SLC1A3: variants seen among roughly 807,000 people sequenced by gnomAD.
SLC1A3 encodes solute carrier family 1 member 3.
Under a neutral mutation model 48.1 loss-of-function variants are expected in SLC1A3, and 21 were observed. The observed-to-expected ratio is 0.44, with a 90% CI of 0.31 to 0.63. SLC1A3 has a LOEUF of 0.63. Among genes scored for constraint, SLC1A3 ranks in the 20% least tolerant of loss-of-function variants. The pLI, the probability that SLC1A3 is intolerant of heterozygous loss-of-function variation, is 0.08. For missense variants in SLC1A3, 546 were observed against 689.0 expected, an observed-to-expected ratio of 0.79 and a Z score of 2.32; for synonymous variants, 239 against 251.4, an observed-to-expected ratio of 0.95 and a Z score of 0.47.
chr5:36,626,487 A>G lies in SLC1A3; in HGVS notation c.182-2963A>G, dbSNP rs1739909197. ...TTTGTAAAACCAAGTCTGGTCTTCA[A>G]CTGTTGTTTGCAGAATATCTAAAAC... On this transcript the variant is annotated intron_variant, in intron 2 of 9. Transcript: ENST00000265113. 2.6e-5 allele frequency among the ~76,000 whole-genome samples: 4 copies of G among 152,342 alleles called. No homozygotes were observed. In the South Asian group the frequency reaches 8.3e-4, roughly 32 times the overall value.
At chr5:36,608,275 C>T in intron 1 of SLC1A3, 54 bp from the exon 2 acceptor site, 2 of 689,284 alleles carry the variant, frequency 2.9e-6, no homozygotes. Flanking sequence ...TGGAGCAGCA[C>T]TGATTTCTCA....
intron 2 of SLC1A3, among the ~76,000 whole-genome samples, chr5:36,623,991 A>T (rs564945365): frequency 2.0e-5 from 3 of 152,166 alleles, no homozygotes; most frequent in African/African-American, 7.2e-5. Flanking sequence ...GGCTTTTTTC[A>T]TTGCTGGGGT....
intron 8 of SLC1A3, among the ~76,000 whole-genome samples, chr5:36,683,259 T>G (rs1029826658): frequency 1.3e-5 from 2 of 152,230 alleles, no homozygotes; most frequent in Admixed American, 1.3e-4. Flanking sequence ...AGCTGCCAGT[T>G]TATTTAAAAA....
chr5:36,620,789 A>G (rs1333043902), intron 2 of SLC1A3, among the ~76,000 whole-genome samples: 1 of 152,238 alleles, frequency 6.6e-6, no homozygotes, highest in Non-Finnish European at 1.5e-5. Flanking sequence ...CAACAAGCAT[A>G]ATAAATAGAA....
intron 2 of SLC1A3, chr5:36,613,003 T>A: frequency 2.8e-6 from 1 of 355,004 alleles, no homozygotes; most frequent in Admixed American, 3.4e-5. Flanking sequence ...TGCAGACCAA[T>A]GGCCCGCTTT....
intron 1 of SLC1A3, among the ~76,000 whole-genome samples, chr5:36,601,433 A>T (rs1343054648): frequency 6.6e-6 from 1 of 152,244 alleles, no homozygotes; most frequent in East Asian, 1.9e-4. Flanking sequence ...GCGATTTGAG[A>T]AAAACAATCT....
At chr5:36,647,119 C>T (rs1740871870) in intron 3 of SLC1A3, among the ~76,000 whole-genome samples, 1 of 152,152 alleles carries the variant, frequency 6.6e-6, no homozygotes, top group South Asian at 2.1e-4. Context: ...TCATATGACA[C>T]CACATTACAA....
At chr5:36,662,737 G>T (rs189837693) in intron 3 of SLC1A3, among the ~76,000 whole-genome samples, 7 of 152,312 alleles carry the variant, frequency 4.6e-5, no homozygotes, top group African/African-American at 1.7e-4. Flanking sequence ...CGGCGACCTC[G>T]CTGAGAGTGA....
At chr5:36,631,582 T>G (rs1275807371) in intron 3 of SLC1A3, among the ~76,000 whole-genome samples, 4 of 152,248 alleles carry the variant, frequency 2.6e-5, no homozygotes, top group Non-Finnish European at 5.9e-5. Context: ...TGTAACCTAA[T>G]TGCAAGTTGG....
intron 3 of SLC1A3, among the ~76,000 whole-genome samples, chr5:36,653,490 C>T (rs1355533821): frequency 1.3e-5 from 2 of 152,174 alleles, no homozygotes; most frequent in African/African-American, 2.4e-5. Flanking sequence ...CTGGTAAACA[C>T]GCATGGGCAG....
rs756967365 is a variant in SLC1A3, at chr5:36,673,999, C to T, written c.525-50C>T. ...ACACAATGAAACAGAATTTAAGGAG[C>T]AAACTTATTACTTGGAAAATTTTGC... is the stretch of plus-strand genomic sequence containing the variant. On this transcript the variant is annotated intron_variant, in intron 4 of 9. Transcript: ENST00000265113. The T allele has an allele frequency of 6.8e-6, 10 of 1,467,202 alleles. No individual in the cohort carries two copies. The South Asian group carries it at 9.1e-5, about 13-fold the overall frequency. 90.9% of individuals were successfully genotyped at this position (1,467,202 alleles called of 1,614,324 possible).
At chr5:36,659,889 C>T (rs1425288391) in intron 3 of SLC1A3, among the ~76,000 whole-genome samples, 1 of 152,156 alleles carries the variant, frequency 6.6e-6, no homozygotes, top group Non-Finnish European at 1.5e-5. Context: ...TTAGAAGAAG[C>T]ATGTTATCCT....
intron 3 of SLC1A3, among the ~76,000 whole-genome samples, chr5:36,657,848 T>A (rs1017782935): frequency 8.5e-5 from 13 of 152,238 alleles, no homozygotes; most frequent in South Asian, 2.1e-4. Context: ...AGCCGTGTGC[T>A]TCCTCAGTAG....
intron 3 of SLC1A3, chr5:36,636,503 C>CTTTCT (rs1339224931): frequency 1.3e-5 from 1 of 77,286 alleles, no homozygotes; most frequent in Admixed American, 1.2e-4. Context: ...TTCTTTCTTT[C>CTTTCT]TTTTTCTTTC....
At chr5:36,613,043 G>T (rs546068106) in intron 2 of SLC1A3, 4 of 343,170 alleles carry the variant, frequency 1.2e-5, no homozygotes, top group African/African-American at 8.6e-5. Flanking sequence ...GGCTGATGAT[G>T]CCACATTTGA....
chr5:36,673,091 G>A (rs1287549135), intron 4 of SLC1A3, among the ~76,000 whole-genome samples: 1 of 152,052 alleles, frequency 6.6e-6, no homozygotes, highest in Non-Finnish European at 1.5e-5. Context: ...GGAATCTCCT[G>A]AATGCATATT....
At chr5:36,658,514 C>A (rs542669313) in intron 3 of SLC1A3, among the ~76,000 whole-genome samples, 1 of 152,274 alleles carries the variant, frequency 6.6e-6, no homozygotes, top group South Asian at 2.1e-4. Context: ...CCCTGGTAAA[C>A]GTATCTCAGA....
chr5:36,611,973 A>G (rs532048955), intron 2 of SLC1A3, among the ~76,000 whole-genome samples: 1 of 152,310 alleles, frequency 6.6e-6, no homozygotes, highest in African/African-American at 2.4e-5. Context: ...GATATGTATA[A>G]ATAGGAATGC....
At chr5:36,609,048 TGAAGCTGA>T (rs1739085566) in intron 2 of SLC1A3, 2 of 992,978 alleles carry the variant, frequency 2.0e-6, no homozygotes, top group African/African-American at 3.5e-5. Context: ...GGTGCTGACT[TGAAGCTGA>T]GTATCAACGC....
Sources: allele counts gnomAD v4.1 joint callset (sites outside exome capture counted in the v4.1 genomes callset), GRCh38; gene constraint gnomAD v4.1.1; transcripts MANE v1.5; gene names NCBI Gene and HGNC (gene_info 2026-07-23, HGNC 2026-07-21).